The following CHTF18 variants were observed in gnomAD, a reference collection of about 807,000 sequenced individuals.
CHTF18 encodes chromosome transmission fidelity factor 18, also known as chromosome transmission fidelity protein 18 homolog.
A neutral mutation model predicts 113.4 loss-of-function variants in CHTF18; 151 were observed. The ratio of observed to expected loss-of-function variants is 1.33; its 90% CI spans 1.17 to 1.52. The LOEUF is 1.52. Ranked by LOEUF, CHTF18 falls within the 40% of genes most tolerant of loss-of-function variation. The pLI is 0.00. For synonymous variants in CHTF18, 916 were observed against 598.8 expected, an observed-to-expected ratio of 1.53 and a Z score of -7.74; for missense variants, 1,982 against 1,381.6, an observed-to-expected ratio of 1.43 and a Z score of -6.89.
rs916222674 is a variant in CHTF18 at position 792,746 on chromosome 16, C to T, written c.1507C>T (p.Gln503Ter). The T allele has an allele frequency of 5.1e-6, 8 of 1,553,702 alleles. No individual in the cohort carries two copies. Among genetic ancestry groups the T allele is most frequent in the Admixed American group, 3.8e-5 (2 of 52,544 alleles). ...CGCACCGTCCCTGCGGCAGCTGAAG[C>T]AGCAGGCCTTCCTGCTCCACTTCCC... ...QFAPSLRQLK[Q>*]QAFLLHFPPT... is the part of the protein sequence containing the mutation. The change falls in exon 12 of 22, where the codon CAG (glutamine) becomes TAG (stop). Residue 503 changes from glutamine to a stop codon, truncating the protein, a stop_gained. Coordinates refer to ENST00000262315, the MANE Select transcript of CHTF18 (RefSeq NM_022092.3). LOFTEE classifies it high-confidence loss of function.
intron 8 of CHTF18, 66 bp from the exon 9 acceptor site, chr16:791,785 G>A (rs2042202850): frequency 2.6e-6 from 4 of 1,529,668 alleles, no homozygotes; most frequent in South Asian, 2.4e-5. Context: ...GGCAGTCCCT[G>A]GCTGCTAGGC....
intron 12 of CHTF18, 36 bp downstream of exon 12, chr16:792,847 G>A (rs760014353): frequency 2.0e-5 from 30 of 1,534,720 alleles, no homozygotes; most frequent in Middle Eastern, 1.8e-4. Context: ...GGCTGATGGC[G>A]GGGTTGGGGG....
Position 792,297 on chromosome 16 carries a change from G to A in CHTF18, c.1276G>A (p.Gly426Ser), listed in dbSNP as rs1363521008. ...ATQMESVLGA[G>S]GKPNCLVIDE... ...CCAGATGGAGTCGGTGCTGGGTGCTGGCGGGAAGCCCAACTGCCTGGTCAT... is the reference window on the plus strand; with the variant it reads ...CCAGATGGAGTCGGTGCTGGGTGCTAGCGGGAAGCCCAACTGCCTGGTCAT... The change falls in exon 10 of 22, where the codon GGC becomes AGC. Residue 426 changes from glycine to serine, a missense_variant. Transcript: ENST00000262315. 3 of 1,555,014 alleles carry A rather than the reference G, an allele frequency of 1.9e-6. No individual in the cohort carries two copies. Among genetic ancestry groups the A allele is most frequent in the African/African-American group, 2.7e-5 (2 of 73,178 alleles).
Position 789,530 on chromosome 16 carries a change from C to G in CHTF18, c.438-17C>G, listed in dbSNP as rs556249066. The G allele has an allele frequency of 6.3e-6, 10 of 1,583,280 alleles. No individual in the cohort carries two copies. The South Asian group carries it at 1.1e-4, about 18-fold the overall frequency. ...CCACGCTTGAGTTTCTGCCACTGAG[C>G]CCCGGTCTCTCTCCAGAGTCTCAGA... On this transcript the variant is annotated splice_polypyrimidine_tract_variant and intron_variant, in intron 3 of 21. Coordinates refer to ENST00000262315, the MANE Select transcript of CHTF18 (RefSeq NM_022092.3).
At chr16:796,670 G>C (rs368741884) in intron 18 of CHTF18, 47 bp from the exon 19 acceptor site, 1 of 1,531,188 alleles carries the variant, frequency 6.5e-7, no homozygotes, top group Non-Finnish European at 8.7e-7. Flanking sequence ...CTCTGGCCCT[G>C]AGCCTGGCCC....
In CHTF18 at chr16:791,230, T is replaced by C; in HGVS notation, c.964T>C (p.Ser322Pro). 2 of 1,611,372 alleles carry C rather than the reference T, an allele frequency of 1.2e-6. No individual in the cohort carries two copies. Among genetic ancestry groups the C allele is most frequent in the South Asian group, 1.1e-5 (1 of 90,754 alleles). Residue 322 changes from serine to proline, a missense_variant, in exon 8 of 22, where the codon TCC becomes CCC. Physicochemically the swap from Ser to Pro is moderately conservative, Grantham distance 74. Transcript: ENST00000262315. Reference protein sequence around the residue: ...DLVVFGHERPSRKPRPSVEPA... With the variant: ...DLVVFGHERPPRKPRPSVEPA... ...GGTGGTGTTTGGCCACGAGAGGCCT[T>C]CCCGGAAGCCCAGGCCCAGTGTTGA... is the stretch of plus-strand genomic sequence containing the variant.
chr16:790,901 TCCCTTTCCTA>T, intron 7 of CHTF18: 1 of 1,432,640 alleles, frequency 7.0e-7, no homozygotes, highest in East Asian at 2.5e-5. Flanking sequence ...AAGTCTCTGT[TCCCTTTCCTA>T]CCTTCACAGC....
In CHTF18 at chr16:791,790, C is replaced by T. The variant is rs1448879022; in HGVS notation, c.1105-61C>T. ...GGACACATGTGGCAGTCCCTGGCTG[C>T]TAGGCCGGGAGCGTCCTGTAGGTGC... On this transcript the variant is annotated intron_variant, in intron 8 of 21. Coordinates refer to ENST00000262315, the MANE Select transcript of CHTF18 (RefSeq NM_022092.3). 14 of 1,533,152 alleles carry T rather than the reference C, an allele frequency of 9.1e-6. No homozygotes were observed. In the East Asian group the frequency reaches 2.0e-4, roughly 21 times the overall value. The allele number at this position is 1,533,152 out of a possible 1,614,324, so 95.0% of individuals were successfully genotyped here.
rs375884550 is a variant in CHTF18 at position 796,821 on chromosome 16, G to T, written c.2561G>T (p.Arg854Leu). 6.2e-7 allele frequency: 1 copy of T among 1,607,248 alleles called. No homozygotes were observed. Among genetic ancestry groups the T allele is most frequent in the Non-Finnish European group, 8.5e-7 (1 of 1,179,140 alleles). ...CGCGAGATCGAGGTGGAGAAGATGCGGCGGGCGGAGGCTTCTGCCCGGGTA... is the reference window on the plus strand; with the variant it reads ...CGCGAGATCGAGGTGGAGAAGATGCTGCGGGCGGAGGCTTCTGCCCGGGTA... Reference protein sequence around the residue: ...IAREIEVEKMRRAEASARVEN... With the variant: ...IAREIEVEKMLRAEASARVEN... The change falls in exon 19 of 22, where the codon CGG becomes CTG. Residue 854 changes from arginine to leucine, a missense_variant. Physicochemically the swap from Arg to Leu is moderately radical, Grantham distance 102. Coordinates refer to ENST00000262315, the MANE Select transcript of CHTF18 (RefSeq NM_022092.3).
At chr16:792,833 G>A (rs747771215) in intron 12 of CHTF18, 22 bp downstream of exon 12, 46 of 1,537,058 alleles carry the variant, frequency 3.0e-5, no homozygotes, top group Admixed American at 3.9e-5. Context: ...CCCAGGAGCC[G>A]TGTGGCTGAT....
rs759813876 is a variant in CHTF18 at position 790,296 on chromosome 16, C to T, written c.699+27C>T. The T allele has an allele frequency of 1.9e-5, 31 of 1,608,552 alleles. 1 individual carries two copies. Among genetic ancestry groups the T allele is most frequent in the East Asian group, 1.1e-4 (5 of 44,670 alleles). On this transcript the variant is annotated intron_variant, in intron 5 of 21. Transcript: ENST00000262315. The stretch of plus-strand genomic sequence containing the variant: ...TAGGGGCTGCGGGTTTGCTGGGGGG[C>T]GGTGGCGGGGCCGCCTGAGCCCTCC...
rs764617970 is a variant in CHTF18 at position 788,720 on chromosome 16, G to A, written c.36G>A (p.Glu12=). The A allele has an allele frequency of 1.9e-5, 31 of 1,602,656 alleles. No homozygotes were observed. In the South Asian group the frequency reaches 3.2e-4, roughly 17 times the overall value. The change falls in exon 1 of 22, where the codon GAG becomes GAA. Residue 12 remains glutamate, a synonymous_variant. Coordinates refer to ENST00000262315, the MANE Select transcript of CHTF18 (RefSeq NM_022092.3). ...EDYEQELCGV[E]DDFHNQFAAE... ...ACGAGCAGGAGCTGTGCGGCGTCGA[G>A]GATGATTTCCACAACCAGTTCGCGG...
At chr16:794,235 C>T (rs769505791) in intron 15 of CHTF18, 34 bp downstream of exon 15, 6 of 1,601,606 alleles carry the variant, frequency 3.7e-6, no homozygotes, top group Non-Finnish European at 1.7e-6. Context: ...CTGCCTGGGG[C>T]CGCCTGGCTA....
rs369077771 is a variant in CHTF18, at chr16:792,536, G to A, written c.1424G>A (p.Arg475His). The change falls in exon 11 of 22, where the codon CGC becomes CAC. Residue 475 changes from arginine (R) to histidine (H), a missense_variant. Coordinates refer to ENST00000262315, the MANE Select transcript of CHTF18 (RefSeq NM_022092.3). ...GTGCCTTCGGGAGGCGGCCGACGGC[G>A]CCGGGCAGAGGGGGGGCTCCTCATG... ...PAVPSGGGRR[R>H]RAEGGLLMRP... 46 of 1,596,890 alleles carry A rather than the reference G, an allele frequency of 2.9e-5. No individual in the cohort carries two copies. Among genetic ancestry groups the A allele is most frequent in the African/African-American group, 2.6e-4 (19 of 73,824 alleles).
At position 789,072 on chromosome 16, in the gene CHTF18, C is replaced by G; in HGVS notation, c.233C>G (p.Ala78Gly). 2 of 1,536,634 alleles carry G rather than the reference C, an allele frequency of 1.3e-6. No homozygotes were observed. The highest frequency in any genetic ancestry group is 1.8e-6 in the Non-Finnish European group (2 of 1,140,150). The change falls in exon 2 of 22, where the codon GCC (alanine) becomes GGC (glycine). Residue 78 changes from alanine to glycine, a missense_variant. Ala to Gly is a moderately conservative substitution (Grantham distance 60). Transcript: ENST00000262315. ...AASVGSSQGGARKRQVDADLQ... is the reference protein window; with the variant it reads ...AASVGSSQGGGRKRQVDADLQ... ...TCTGTGGGCAGCAGCCAGGGCGGCG[C>G]CAGGAAGAGGCAGGTGGACGCCGAC...
In CHTF18 at chr16:791,946, C is replaced by T; in HGVS notation, c.1200C>T (p.Ala400=). 3 of 1,606,584 alleles carry T rather than the reference C, an allele frequency of 1.9e-6. No individual in the cohort carries two copies. Among genetic ancestry groups the T allele is most frequent in the East Asian group, 2.2e-5 (1 of 44,570 alleles). ...GGTACTCTGTGGTGGAGATGAACGC[C>T]AGGTGAGTGATGTGAGGTCCGTCTC... ...HAGYSVVEMN[A]SDDRSPEVFR... Residue 400 remains alanine (A), a splice_region_variant and synonymous_variant, in exon 9 of 22, where the codon GCC becomes GCT. Transcript: ENST00000262315.
rs769074733 is a variant in CHTF18, at chr16:790,533, C to T, written c.761C>T (p.Ser254Leu). The change falls in exon 7 of 22, where the codon TCG (serine) becomes TTG (leucine). Residue 254 changes from serine to leucine, a missense_variant. By Grantham distance (145) the Ser-to-Leu change is moderately radical (BLOSUM62 -2). Transcript: ENST00000262315. ...KLSDTLHSLRSGEEEAAQPLG... is the reference protein window; with the variant it reads ...KLSDTLHSLRLGEEEAAQPLG... ...GACGTGGTCCTCTCCAGTCTCAGGTCGGGGGAGGAGGAGGCAGCCCAGCCC... is the reference window on the plus strand; with the variant it reads ...GACGTGGTCCTCTCCAGTCTCAGGTTGGGGGAGGAGGAGGCAGCCCAGCCC... The T allele has an allele frequency of 6.8e-5, 109 of 1,599,528 alleles. No individual in the cohort carries two copies. Among genetic ancestry groups the T allele is most frequent in the Middle Eastern group, 1.7e-4 (1 of 6,056 alleles).
In CHTF18 at chr16:793,157, G is replaced by T. The variant is rs748524346; in HGVS notation, c.1685G>T (p.Arg562Leu). Reference protein sequence around the residue: ...CINTLQFLYSRGQRELSVRDV... With the variant: ...CINTLQFLYSLGQRELSVRDV... ...CCCTATGTCTAGTTCCTGTACAGCC[G>T]GGGCCAGCGGGAGCTGAGCGTGCGG... Residue 562 changes from arginine to leucine, a missense_variant, in exon 14 of 22, where the codon CGG (arginine) becomes CTG (leucine). Transcript: ENST00000262315. 4 of 1,603,440 alleles carry T rather than the reference G, an allele frequency of 2.5e-6. No individual in the cohort carries two copies. Among genetic ancestry groups the T allele is most frequent in the East Asian group, 2.3e-5 (1 of 44,418 alleles).
In CHTF18 at chr16:795,755, G is replaced by C; in HGVS notation, c.2246G>C (p.Arg749Pro). ...TLVSGIAPAT[R>P]SRATPQALLL... Reference sequence around the variant, plus strand: ...GTGTCCGGCATCGCGCCAGCCACGCGCAGCCGGGCCACGCCCCAGGCCCTG... The same window carrying C: ...GTGTCCGGCATCGCGCCAGCCACGCCCAGCCGGGCCACGCCCCAGGCCCTG... Residue 749 changes from arginine (R) to proline (P), a missense_variant, in exon 17 of 22, where the codon CGC becomes CCC. Coordinates refer to ENST00000262315, the MANE Select transcript of CHTF18 (RefSeq NM_022092.3). The C allele has an allele frequency of 6.2e-7, 1 of 1,608,158 alleles. No individual in the cohort carries two copies. The highest frequency in any genetic ancestry group is 1.1e-5 in the South Asian group (1 of 90,548).
Sources: gnomAD v4.1 joint callset for allele counts on GRCh38, gnomAD v4.1.1 for gene constraint, MANE v1.5 for transcripts, NCBI Gene and HGNC (gene_info 2026-07-23, HGNC 2026-07-21) for gene names.